Variants in RNF130 observed in about 807,000 individuals in gnomAD.
RNF130 encodes the protein ring finger protein 130.
A neutral mutation model predicts 44.6 loss-of-function variants in RNF130; 21 were observed. That is an observed-to-expected ratio of 0.47 (90% CI 0.33 to 0.68). The LOEUF (loss-of-function observed/expected upper bound fraction) is 0.68, where lower values mean the gene tolerates loss of function less well. Ranked by LOEUF, RNF130 falls within the 30% of genes least tolerant of loss-of-function variation. The probability of loss-of-function intolerance (pLI) is 0.02; values close to 1 mark genes in which losing one functional copy is unlikely to be tolerated. For missense variants in RNF130, 479 were observed against 560.6 expected (o/e 0.85, Z 1.47); for synonymous variants, 214 against 210.4 (o/e 1.02, Z -0.15).
At chr5:180,008,679 G>A (rs1312171046) in intron 3 of RNF130, among the ~76,000 whole-genome samples, 1 of 152,102 alleles carries the variant, frequency 6.6e-6, no homozygotes, top group East Asian at 1.9e-4. Context: ...GAGGTCAGGA[G>A]TTCAAGACCA....
At chr5:179,965,212 C>T (rs1489856797) in intron 7 of RNF130, among the ~76,000 whole-genome samples, 2 of 152,170 alleles carry the variant, frequency 1.3e-5, no homozygotes, top group African/African-American at 2.4e-5. Flanking sequence ...AATATGCTGG[C>T]AGCATTTCCA....
chr5:180,004,234 C>T (rs1231692021), intron 3 of RNF130, among the ~76,000 whole-genome samples: 1 of 152,172 alleles, frequency 6.6e-6, no homozygotes, highest in Non-Finnish European at 1.5e-5. Flanking sequence ...AGTACAAACC[C>T]TGGTTTCAAA....
chr5:179,929,721 C>T (rs1289894254), intron 7 of RNF130, among the ~76,000 whole-genome samples: 1 of 150,120 alleles, frequency 6.7e-6, no homozygotes, highest in African/African-American at 2.5e-5. Flanking sequence ...GCACTCCAGC[C>T]TGGGTGACAG....
At chr5:180,055,911 C>G (rs1187776882) in intron 1 of RNF130, among the ~76,000 whole-genome samples, 2 of 151,998 alleles carry the variant, frequency 1.3e-5, no homozygotes, top group Non-Finnish European at 2.9e-5. Flanking sequence ...GGGTGAAACC[C>G]TGTCTCTACT....
chr5:179,998,857 T>TATATATATA (rs1554103671), intron 3 of RNF130, among the ~76,000 whole-genome samples: 2 of 65,226 alleles, frequency 3.1e-5, no homozygotes, highest in African/African-American at 6.4e-5. Flanking sequence ...ATCTAGTATT[T>TATATATATA]TTTATATATA....
At chr5:180,056,152 G>C (rs1433142607) in intron 1 of RNF130, among the ~76,000 whole-genome samples, 1 of 151,420 alleles carries the variant, frequency 6.6e-6, no homozygotes, top group African/African-American at 2.4e-5. Context: ...GGAAAAGAAA[G>C]TCAAAAAACT....
intron 1 of RNF130, among the ~76,000 whole-genome samples, chr5:180,059,378 G>GT (rs1764917968): frequency 1.3e-5 from 2 of 152,156 alleles, no homozygotes; most frequent in African/African-American, 4.8e-5. Context: ...TATGACCTGT[G>GT]TAACGGTCTG....
chr5:180,065,113 T>C (rs1043455963), intron 1 of RNF130, among the ~76,000 whole-genome samples: 2 of 151,284 alleles, frequency 1.3e-5, no homozygotes, highest in African/African-American at 2.4e-5. Context: ...TTCATTTTGT[T>C]CTTGGAGCTA....
At chr5:180,020,029 C>A (rs1180677555) in intron 2 of RNF130, among the ~76,000 whole-genome samples, 2 of 152,112 alleles carry the variant, frequency 1.3e-5, no homozygotes, top group Non-Finnish European at 2.9e-5. Flanking sequence ...GTCCAGGGAA[C>A]TGGAAGCTTC....
chr5:180,028,539 A>C (rs1764045637), intron 2 of RNF130, among the ~76,000 whole-genome samples: 1 of 128,458 alleles, frequency 7.8e-6, no homozygotes, highest in Non-Finnish European at 1.6e-5. Flanking sequence ...TGCCTCCTAC[A>C]TGAAGTCTTC....
At chr5:179,998,352 C>T (rs554404372) in intron 3 of RNF130, among the ~76,000 whole-genome samples, 22 of 152,270 alleles carry the variant, frequency 1.4e-4, no homozygotes, top group African/African-American at 4.1e-4. Flanking sequence ...TTTAGGAGCA[C>T]GTTTGTAAAT....
At chr5:180,032,392 G>A (rs879582846) in intron 2 of RNF130, among the ~76,000 whole-genome samples, 6 of 151,726 alleles carry the variant, frequency 4.0e-5, no homozygotes, top group Non-Finnish European at 5.9e-5. Flanking sequence ...CTTCTTCCTT[G>A]AAACAATCTT....
intron 3 of RNF130, among the ~76,000 whole-genome samples, chr5:180,003,628 T>C (rs770718100): frequency 1.5e-4 from 23 of 152,240 alleles, no homozygotes; most frequent in Non-Finnish European, 1.0e-4. Flanking sequence ...GTGACAGGTA[T>C]AAGTGTCTAT....
At chr5:180,043,497 C>T (rs1198383307) in intron 1 of RNF130, among the ~76,000 whole-genome samples, 1 of 152,156 alleles carries the variant, frequency 6.6e-6, no homozygotes. Context: ...CCACACTCCT[C>T]TGCTCTTAGT....
chr5:179,980,846 C>A (rs1353485189), intron 3 of RNF130, among the ~76,000 whole-genome samples: 1 of 152,200 alleles, frequency 6.6e-6, no homozygotes, highest in Non-Finnish European at 1.5e-5. Context: ...CCAGACACTG[C>A]TAGCACTGCT....
chr5:180,069,894 G>A (rs1329200569), intron 1 of RNF130, among the ~76,000 whole-genome samples: 5 of 152,256 alleles, frequency 3.3e-5, no homozygotes, highest in Admixed American at 1.3e-4. Flanking sequence ...TCTCAAAGAC[G>A]GGGCTTTTGT....
rs570197586 is a variant in RNF130, at chr5:180,034,477, G to A, written c.442+5976C>T. Among the ~76,000 whole-genome samples the A allele has an allele frequency of 1.5e-4, 23 of 152,242 alleles. No individual in the cohort carries two copies. The South Asian group carries it at 3.5e-3, about 23-fold the overall frequency. On this transcript the variant is annotated intron_variant, in intron 2 of 8. Coordinates refer to ENST00000521389, the MANE Select transcript of RNF130 (RefSeq NM_018434.6). ...TAAATATTTGATAGACTGCACCAGC[G>A]AATTTCATGGGAAGATATTTAATCC...
At chr5:180,033,273 C>T (rs1348208781) in intron 2 of RNF130, among the ~76,000 whole-genome samples, 1 of 152,194 alleles carries the variant, frequency 6.6e-6, no homozygotes. Context: ...TGTGCTACCA[C>T]ACTTGGCTGA....
intron 7 of RNF130, among the ~76,000 whole-genome samples, chr5:179,942,455 G>A (rs982989256): frequency 6.6e-6 from 1 of 152,112 alleles, no homozygotes; most frequent in African/African-American, 2.4e-5. Flanking sequence ...AAAATCTATA[G>A]TATTATATGT....
Sources: allele counts gnomAD v4.1 joint callset (sites outside exome capture counted in the v4.1 genomes callset), GRCh38; gene constraint gnomAD v4.1.1; transcripts MANE v1.5; gene names NCBI Gene and HGNC (gene_info 2026-07-23, HGNC 2026-07-21).